SOS2: variants seen among roughly 807,000 people sequenced by gnomAD.
SOS2 encodes son of sevenless homolog 2.
A neutral mutation model predicts 148.2 loss-of-function variants in SOS2; 65 were observed. The ratio of observed to expected loss-of-function variants is 0.44; its 90% CI spans 0.36 to 0.54. The LOEUF is 0.54. Ranked by LOEUF, SOS2 falls within the 20% of genes least tolerant of loss-of-function variation. The pLI, the probability that SOS2 is intolerant of heterozygous loss-of-function variation, is 0.00. For missense variants in SOS2, 1,341 were observed against 1,590.2 expected, an observed-to-expected ratio of 0.84 and a Z score of 2.67; for synonymous variants, 539 against 537.1, an observed-to-expected ratio of 1.00 and a Z score of -0.05.
chr14:50,224,797 G>T (rs1342300195), intron 1 of SOS2, among the ~76,000 whole-genome samples: 3 of 149,248 alleles, frequency 2.0e-5, no homozygotes, highest in Non-Finnish European at 4.4e-5. Flanking sequence ...ATAGTGGGAG[G>T]ATCATTTGAG....
intron 21 of SOS2, among the ~76,000 whole-genome samples, chr14:50,125,092 C>A (rs1044085331): frequency 6.6e-6 from 1 of 152,166 alleles, no homozygotes; most frequent in Admixed American, 6.5e-5. Flanking sequence ...GGAATATAGT[C>A]TTTGCAGATG....
intron 9 of SOS2, among the ~76,000 whole-genome samples, chr14:50,160,665 G>T (rs902814483): frequency 2.6e-5 from 4 of 152,064 alleles, no homozygotes; most frequent in Non-Finnish European, 4.4e-5. Context: ...GGGATTATAG[G>T]CGTGAGCCAC....
intron 5 of SOS2, among the ~76,000 whole-genome samples, chr14:50,184,864 CAAA>C (rs34039045): frequency 8.8e-5 from 5 of 57,122 alleles, no homozygotes; most frequent in Admixed American, 2.3e-4. Flanking sequence ...ACCCTGTCTC[CAAA>C]AAAAAAAAAA....
intron 18 of SOS2, 45 bp from the exon 19 acceptor site, chr14:50,134,284 A>G (rs1884002834): frequency 2.3e-6 from 2 of 861,332 alleles, no homozygotes; most frequent in Admixed American, 2.5e-5. Flanking sequence ...GTAAGTATAT[A>G]TTTTAGATCT....
chr14:50,140,962 T>C (rs943160238), intron 16 of SOS2, among the ~76,000 whole-genome samples: 35 of 151,964 alleles, frequency 2.3e-4, no homozygotes, highest in African/African-American at 8.2e-4. Context: ...CCCAGCACTT[T>C]GGGAGGCTGA....
intron 18 of SOS2, among the ~76,000 whole-genome samples, chr14:50,135,560 T>C (rs1381956803): frequency 1.3e-5 from 2 of 148,154 alleles, no homozygotes; most frequent in African/African-American, 2.4e-5. Flanking sequence ...ATAATTTATA[T>C]ATATATTTTC....
intron 1 of SOS2, 132 bp downstream of exon 1, chr14:50,231,064 GC>G (rs1194446630): frequency 1.8e-6 from 1 of 559,434 alleles, no homozygotes; most frequent in Non-Finnish European, 2.6e-6. Flanking sequence ...GCAATTGTGA[GC>G]CCCCCATTGC....
intron 1 of SOS2, among the ~76,000 whole-genome samples, chr14:50,214,804 C>G (rs1886992991): frequency 6.6e-6 from 1 of 150,828 alleles, no homozygotes; most frequent in Admixed American, 6.6e-5. Context: ...CCTCCTCAGG[C>G]CCCCCTCCCT....
chr14:50,150,730 G>A (rs566429815), intron 13 of SOS2, among the ~76,000 whole-genome samples: 1 of 151,656 alleles, frequency 6.6e-6, no homozygotes, highest in South Asian at 2.1e-4. Context: ...GCTAATTTTT[G>A]TATTTTTTTT....
chr14:50,194,227 A>G (rs939896125), intron 4 of SOS2, among the ~76,000 whole-genome samples: 3 of 152,192 alleles, frequency 2.0e-5, no homozygotes, highest in Non-Finnish European at 4.4e-5. Context: ...CTTTCATGCT[A>G]CAAGAGCAGA....
At chr14:50,226,659 C>T (rs775589091) in intron 1 of SOS2, among the ~76,000 whole-genome samples, 2 of 152,180 alleles carry the variant, frequency 1.3e-5, no homozygotes, top group Non-Finnish European at 2.9e-5. Flanking sequence ...CAAAGTAATT[C>T]AACCAATTCT....
chr14:50,141,722 ACTC>A (rs1374618141), intron 16 of SOS2, among the ~76,000 whole-genome samples: 1 of 152,154 alleles, frequency 6.6e-6, no homozygotes, highest in Non-Finnish European at 1.5e-5. Flanking sequence ...AGCCAATGCA[ACTC>A]CTATCAAAAT....
intron 4 of SOS2, among the ~76,000 whole-genome samples, chr14:50,194,380 G>A (rs963168055): frequency 6.6e-6 from 1 of 150,908 alleles, no homozygotes; most frequent in Non-Finnish European, 1.5e-5. Context: ...GAAGAAAAGT[G>A]GTAACTTTTA....
At position 50,188,781 on chromosome 14, in the gene SOS2, C is replaced by T. The variant is rs60775477; in HGVS notation, c.511-81G>A. 2.4e-3 allele frequency: 2,268 copies of T among 931,152 alleles called. 30 individuals are homozygous for T. In the African/African-American group the frequency reaches 0.032, roughly 13 times the overall value. 57.7% of individuals were successfully genotyped at this position (931,152 alleles called of 1,614,324 possible). On this transcript the variant is annotated intron_variant, in intron 4 of 22. Transcript: ENST00000216373. ...TGCCTCAAAGTACTTGAAATCTATA[C>T]GTTATTAAACAGGGCTGGGTGTTGT...
chr14:50,197,099 T>C (rs983786704), intron 4 of SOS2, among the ~76,000 whole-genome samples: 2 of 152,140 alleles, frequency 1.3e-5, no homozygotes, highest in Admixed American at 1.3e-4. Flanking sequence ...GCGATCCACC[T>C]GTCTCAGCCT....
intron 7 of SOS2, among the ~76,000 whole-genome samples, chr14:50,178,064 TTA>T (rs1885584224): frequency 3.3e-5 from 5 of 152,052 alleles, no homozygotes; most frequent in Non-Finnish European, 5.9e-5. Flanking sequence ...ATTAAGAGAC[TTA>T]GAAGAAGAAA....
At position 50,188,548 on chromosome 14, in the gene SOS2, T is replaced by C; in HGVS notation, c.663A>G (p.Ile221Met). 6.2e-7 allele frequency: 1 copy of C among 1,605,046 alleles called. No individual in the cohort carries two copies. Among genetic ancestry groups the C allele is most frequent in the South Asian group, 1.1e-5 (1 of 89,444 alleles). The change falls in exon 5 of 23, where the codon ATA (isoleucine) becomes ATG (methionine). Residue 221 changes from isoleucine (I) to methionine (M), a missense_variant. This residue lies in a region of SOS2 where 574 missense variants were observed against 711.1 expected (regional missense o/e 0.81). Transcript: ENST00000216373. The stretch of plus-strand genomic sequence containing the variant: ...AAAGAAAGGCTTCTCGAAACACTTT[T>C]ATGATCATATTTAATTCCCGTAGAT... ...RQYLRELNMI[I>M]KVFREAFLSD...
chr14:50,209,274 CGT>C (rs140994310), intron 1 of SOS2, among the ~76,000 whole-genome samples: 4,328 of 118,262 alleles, frequency 0.037, 120 homozygotes, highest in African/African-American at 0.05. Flanking sequence ...CCTTAAATGT[CGT>C]GTGTGTGTGT....
chr14:50,214,515 TA>T (rs574565699), intron 1 of SOS2, among the ~76,000 whole-genome samples: 209 of 152,172 alleles, frequency 1.4e-3, no homozygotes, highest in Non-Finnish European at 1.9e-3. Context: ...AAGACATTTT[TA>T]AAAAAGTAGA....
Sources: gnomAD v4.1 joint callset for allele counts (sites outside exome capture counted in the v4.1 genomes callset) on GRCh38, gnomAD v4.1.1 for gene constraint, gnomAD v4.1.1 regional missense constraint, MANE v1.5 for transcripts, NCBI Gene and HGNC (gene_info 2026-07-23, HGNC 2026-07-21) for gene names.